PAX3: variants seen among roughly 807,000 people sequenced by gnomAD.
The protein encoded by PAX3 is paired box protein Pax-3.
PAX3 carries 14 observed loss-of-function variants against 51.6 expected under a neutral mutation model. The observed-to-expected ratio is 0.27, with a 90% CI of 0.18 to 0.42. The LOEUF is 0.42. Ranked by LOEUF, PAX3 falls within the 10% of genes least tolerant of loss-of-function variation. PAX3 has a pLI of 1.00. For synonymous variants in PAX3, 280 were observed against 253.4 expected (o/e 1.11, Z -1.00); for missense variants, 540 against 642.8 (o/e 0.84, Z 1.73).
intron 4 of PAX3, chr2:222,265,122 G>C (rs1693996905): frequency 6.6e-6 from 1 of 152,162 alleles, no homozygotes; most frequent in South Asian, 2.1e-4. Flanking sequence ...CCAGGCTATA[G>C]GTTCTGGAAA....
At chr2:222,293,860 C>G (rs1380468606) in intron 4 of PAX3, 19 of 1,611,754 alleles carry the variant, frequency 1.2e-5, no homozygotes, top group Non-Finnish European at 1.2e-5. Flanking sequence ...TTAATGGCAA[C>G]AGAGTGAGAG....
chr2:222,202,288 C>A (rs1387170359), intron 7 of PAX3, 98 bp from the exon 8 acceptor site: 8 of 991,746 alleles, frequency 8.1e-6, no homozygotes, highest in South Asian at 2.8e-5. Flanking sequence ...GTTTTTATTT[C>A]TTTGGAAATT....
At chr2:222,257,608 C>G (rs45499591) in intron 4 of PAX3, among the ~76,000 whole-genome samples, 17,630 of 152,208 alleles carry the variant, frequency 0.12, 1,250 homozygotes, top group East Asian at 0.32. Context: ...TACCTGTCTC[C>G]ATTCATCTTT....
intron 4 of PAX3, among the ~76,000 whole-genome samples, chr2:222,281,442 T>C (rs1034396742): frequency 1.3e-5 from 2 of 152,242 alleles, no homozygotes; most frequent in Admixed American, 6.5e-5. Context: ...ACACCTGCTC[T>C]CTGACATTAA....
At position 222,268,268 on chromosome 2, in the gene PAX3, T is replaced by C. The variant is rs890041156; in HGVS notation, c.586+25899A>G. 5.9e-5 allele frequency among the ~76,000 whole-genome samples: 9 copies of C among 152,326 alleles called. No individual in the cohort carries two copies. In the South Asian group the frequency reaches 1.2e-3, roughly 21 times the overall value. On this transcript the variant is annotated intron_variant, in intron 4 of 8. Coordinates refer to ENST00000392070, the MANE Select transcript of PAX3 (RefSeq NM_181458.4). The stretch of plus-strand genomic sequence containing the variant: ...GTGCGTGCCTGGGTTCCTCCTCCCT[T>C]ACCCATACACCCTTGGGGGAATCTG...
chr2:222,237,591 G>A (rs1383985620), intron 4 of PAX3, among the ~76,000 whole-genome samples: 2 of 152,066 alleles, frequency 1.3e-5, no homozygotes, highest in South Asian at 2.1e-4. Flanking sequence ...TGTTTCCAAG[G>A]TATAGTTTTT....
chr2:222,290,218 G>C (rs1694979519), intron 4 of PAX3, among the ~76,000 whole-genome samples: 1 of 152,104 alleles, frequency 6.6e-6, no homozygotes, highest in African/African-American at 2.4e-5. Context: ...GCTTTTCTGC[G>C]TTTTAAACTG....
chr2:222,250,565 A>G (rs767990247), intron 4 of PAX3, among the ~76,000 whole-genome samples: 1 of 152,196 alleles, frequency 6.6e-6, no homozygotes, highest in Non-Finnish European at 1.5e-5. Flanking sequence ...CAAACTTAAT[A>G]CCCTAGAAAC....
At chr2:222,217,068 A>G (rs1286654229) in intron 7 of PAX3, among the ~76,000 whole-genome samples, 1 of 152,214 alleles carries the variant, frequency 6.6e-6, no homozygotes, top group African/African-American at 2.4e-5. Context: ...TGTATGCACT[A>G]CTTTCTACTT....
At chr2:222,217,073 C>G (rs1274305885) in intron 7 of PAX3, among the ~76,000 whole-genome samples, 1 of 152,118 alleles carries the variant, frequency 6.6e-6, no homozygotes, top group Non-Finnish European at 1.5e-5. Context: ...GCACTACTTT[C>G]TACTTTCTCA....
Position 222,200,948 on chromosome 2 carries a change from A to C in PAX3, c.*460T>G, listed in dbSNP as rs1163552603. ...GTTTTAAAGTTGTAGAAGTATCAGC[A>C]TCGAACATCGACATGTTATACTTTA... On this transcript the variant is annotated 3_prime_UTR_variant, in exon 9 of 9. Coordinates refer to ENST00000392070, the MANE Select transcript of PAX3 (RefSeq NM_181458.4). The C allele has an allele frequency of 1.7e-6, 1 of 582,162 alleles. No individual in the cohort carries two copies. The highest frequency in any genetic ancestry group is 3.1e-6 in the Non-Finnish European group (1 of 326,528). 36.1% of individuals were successfully genotyped at this position (582,162 alleles called of 1,614,324 possible).
chr2:222,236,329 AG>A (rs1273787964), intron 4 of PAX3, among the ~76,000 whole-genome samples: 2 of 152,272 alleles, frequency 1.3e-5, no homozygotes, highest in East Asian at 3.9e-4. Context: ...CCTGGGCTCA[AG>A]CAATCTTCCC....
At chr2:222,216,981 C>A (rs1691987230) in intron 7 of PAX3, among the ~76,000 whole-genome samples, 1 of 152,166 alleles carries the variant, frequency 6.6e-6, no homozygotes, top group East Asian at 1.9e-4. Context: ...AAAACTATAA[C>A]CAATTCGGTG....
Position 222,278,359 on chromosome 2 carries a change from G to A in PAX3, c.586+15808C>T, listed in dbSNP as rs547094952. On this transcript the variant is annotated intron_variant, in intron 4 of 8. Coordinates refer to ENST00000392070, the MANE Select transcript of PAX3 (RefSeq NM_181458.4). Reference sequence around the variant, plus strand: ...TGCCCCAGTCCTCTAGAGGAGGGGAGTCTCATTTCTTCAGACCTCTGACAA... The same window carrying A: ...TGCCCCAGTCCTCTAGAGGAGGGGAATCTCATTTCTTCAGACCTCTGACAA... 1.3e-3 allele frequency among the ~76,000 whole-genome samples: 200 copies of A among 152,252 alleles called. 1 individual carries two copies. The highest frequency in any genetic ancestry group is 4.5e-3 in the African/African-American group (187 of 41,528).
At chr2:222,281,104 C>G (rs1694631292) in intron 4 of PAX3, among the ~76,000 whole-genome samples, 1 of 152,212 alleles carries the variant, frequency 6.6e-6, no homozygotes, top group Admixed American at 6.5e-5. Context: ...GCACATCTAC[C>G]ACCTGGAAAG....
intron 4 of PAX3, among the ~76,000 whole-genome samples, chr2:222,267,199 T>C (rs976809252): frequency 6.6e-6 from 1 of 152,120 alleles, no homozygotes; most frequent in African/African-American, 2.4e-5. Context: ...CATTTTTGAG[T>C]TGCATGGAAA....
intron 5 of PAX3, among the ~76,000 whole-genome samples, chr2:222,227,505 T>C (rs1041671091): frequency 2.8e-4 from 43 of 152,016 alleles, no homozygotes; most frequent in African/African-American, 1.0e-3. Context: ...GGCGGGAGGA[T>C]CATCTGAGCC....
chr2:222,294,160 C>G lies in PAX3; in HGVS notation c.586+7G>C. The G allele has an allele frequency of 6.2e-7, 1 of 1,614,230 alleles. No homozygotes were observed. The highest frequency in any genetic ancestry group is 8.5e-7 in the Non-Finnish European group (1 of 1,180,034). On this transcript the variant is annotated splice_region_variant and intron_variant, in intron 4 of 8. Coordinates refer to ENST00000392070, the MANE Select transcript of PAX3 (RefSeq NM_181458.4). ...GCAAGTGCGCCGCCCAAGGCGCCACCGCTTACCTCGCTCGCTCAGGATGCC... is the reference window on the plus strand; with the variant it reads ...GCAAGTGCGCCGCCCAAGGCGCCACGGCTTACCTCGCTCGCTCAGGATGCC...
At chr2:222,212,997 G>A (rs1319822719) in intron 7 of PAX3, among the ~76,000 whole-genome samples, 3 of 152,136 alleles carry the variant, frequency 2.0e-5, no homozygotes, top group East Asian at 1.9e-4. Flanking sequence ...AAGAAAACAC[G>A]AGGTTGTTGC....
Sources: gnomAD v4.1 joint callset for allele counts (sites outside exome capture counted in the v4.1 genomes callset) on GRCh38, gnomAD v4.1.1 for gene constraint, MANE v1.5 for transcripts, NCBI Gene and HGNC (gene_info 2026-07-23, HGNC 2026-07-21) for gene names.